Variants in DPP6 observed in about 807,000 individuals in gnomAD.
The protein encoded by DPP6 is dipeptidyl peptidase like 6, also known as A-type potassium channel modulatory protein DPP6.
A neutral mutation model predicts 122.6 loss-of-function variants in DPP6; 69 were observed. The observed-to-expected ratio is 0.56, with a 90% CI of 0.46 to 0.69. The LOEUF (loss-of-function observed/expected upper bound fraction) is 0.69. Among genes scored for constraint, DPP6 ranks in the 30% least tolerant of loss-of-function variants. DPP6 has a pLI of 0.00. For missense variants in DPP6, 928 were observed against 1,116.9 expected (o/e 0.83, Z 2.41); for synonymous variants, 418 against 433.1 (o/e 0.97, Z 0.43).
At chr7:153,977,066 G>A (rs1031066781) in intron 1 of DPP6, among the ~76,000 whole-genome samples, 11 of 152,152 alleles carry the variant, frequency 7.2e-5, no homozygotes, top group Admixed American at 5.2e-4. Context: ...TCTTTTTCAT[G>A]TCACCAAAGA....
chr7:154,544,501 C>A (rs146586470), intron 4 of DPP6, among the ~76,000 whole-genome samples: 1 of 152,142 alleles, frequency 6.6e-6, no homozygotes, highest in Non-Finnish European at 1.5e-5. Flanking sequence ...TGCTCCACTG[C>A]TATGTGTTTT....
chr7:154,451,609 A>G (rs768887147), intron 2 of DPP6, among the ~76,000 whole-genome samples: 1 of 152,068 alleles, frequency 6.6e-6, no homozygotes, highest in Non-Finnish European at 1.5e-5. Flanking sequence ...CAAGGCAACC[A>G]CAGCAGCCTC....
intron 1 of DPP6, among the ~76,000 whole-genome samples, chr7:154,347,250 A>G (rs1810478618): frequency 6.6e-6 from 1 of 152,354 alleles, no homozygotes; most frequent in Non-Finnish European, 1.5e-5. Flanking sequence ...CTCTCGATTC[A>G]GGGTTTGAAA....
chr7:154,386,595 A>T (rs925608436), intron 1 of DPP6, among the ~76,000 whole-genome samples: 9 of 152,134 alleles, frequency 5.9e-5, no homozygotes, highest in African/African-American at 1.9e-4. Context: ...CATGAATATC[A>T]TGAAGACCAG....
chr7:154,776,627 C>A (rs1796589697), intron 10 of DPP6, among the ~76,000 whole-genome samples: 2 of 152,106 alleles, frequency 1.3e-5, no homozygotes, highest in Admixed American at 1.3e-4. Context: ...GGCTCTGGAA[C>A]CTTGGCTGGA....
chr7:154,804,979 C>G lies in DPP6; in HGVS notation c.1547+15C>G. The G allele has an allele frequency of 6.3e-7, 1 of 1,591,224 alleles. No homozygotes were observed. The highest frequency in any genetic ancestry group is 8.6e-7 in the Non-Finnish European group (1 of 1,168,014). On this transcript the variant is annotated intron_variant, in intron 15 of 25. Transcript: ENST00000377770. ...CAACTCTACAGGTAACTCCTGCTCC[C>G]CCTGCACACAGGGCTCTCCCCCTTA...
At chr7:154,326,241 C>G (rs922688974) in intron 1 of DPP6, among the ~76,000 whole-genome samples, 1 of 152,120 alleles carries the variant, frequency 6.6e-6, no homozygotes, top group South Asian at 2.1e-4. Flanking sequence ...TGCCTAAGGT[C>G]TGTGGCATAC....
At chr7:154,005,861 C>T (rs1443721564) in intron 1 of DPP6, among the ~76,000 whole-genome samples, 22 of 152,180 alleles carry the variant, frequency 1.4e-4, no homozygotes, top group African/African-American at 3.9e-4. Flanking sequence ...AGAGTGTTGG[C>T]GGCTATGGAG....
chr7:154,650,844 A>C (rs1836833272), intron 6 of DPP6, among the ~76,000 whole-genome samples: 1 of 152,174 alleles, frequency 6.6e-6, no homozygotes, highest in Non-Finnish European at 1.5e-5. Context: ...GGATGGATGA[A>C]GGCCGTCCTA....
chr7:154,614,139 C>T (rs1834086031), intron 5 of DPP6, among the ~76,000 whole-genome samples: 1 of 152,210 alleles, frequency 6.6e-6, no homozygotes, highest in Non-Finnish European at 1.5e-5. Context: ...CTTCCCAATC[C>T]AGCACAGCAG....
At chr7:154,692,337 A>G (rs188207924) in intron 7 of DPP6, among the ~76,000 whole-genome samples, 1 of 152,336 alleles carries the variant, frequency 6.6e-6, no homozygotes, top group East Asian at 1.9e-4. Context: ...CTTATTTTGC[A>G]TAATTATTGG....
At chr7:154,661,941 C>T (rs185644915) in intron 6 of DPP6, among the ~76,000 whole-genome samples, 29 of 150,036 alleles carry the variant, frequency 1.9e-4, no homozygotes, top group Admixed American at 6.6e-4. Flanking sequence ...GGCGTATTGG[C>T]GGTAGTGTTC....
intron 1 of DPP6, among the ~76,000 whole-genome samples, chr7:153,969,216 T>C (rs537743700): frequency 4.6e-5 from 7 of 150,822 alleles, no homozygotes; most frequent in African/African-American, 1.5e-4. Context: ...CACAAATCTC[T>C]CCCAGGTGGT....
chr7:154,888,576 A>G (rs1393502005), intron 23 of DPP6, among the ~76,000 whole-genome samples: 2 of 152,224 alleles, frequency 1.3e-5, no homozygotes, highest in East Asian at 3.9e-4. Context: ...AACTGAGTCC[A>G]ACCAGGGAGT....
intron 15 of DPP6, among the ~76,000 whole-genome samples, chr7:154,806,595 C>T (rs759388401): frequency 1.3e-5 from 2 of 152,222 alleles, no homozygotes; most frequent in Non-Finnish European, 2.9e-5. Context: ...AGATATGTCA[C>T]TCTGTCTACT....
At chr7:154,192,678 A>G (rs1386385392) in intron 1 of DPP6, among the ~76,000 whole-genome samples, 1 of 152,276 alleles carries the variant, frequency 6.6e-6, no homozygotes, top group Non-Finnish European at 1.5e-5. Flanking sequence ...TTTATAAATG[A>G]ATTTTAAAAA....
intron 1 of DPP6, among the ~76,000 whole-genome samples, chr7:154,021,426 C>A (rs534212369): frequency 4.5e-4 from 69 of 152,238 alleles, no homozygotes; most frequent in African/African-American, 1.6e-3. Flanking sequence ...GTGCTGTAGC[C>A]CAGGAGAAGA....
intron 10 of DPP6, among the ~76,000 whole-genome samples, chr7:154,786,361 G>T (rs376216282): frequency 6.6e-6 from 1 of 152,116 alleles, no homozygotes; most frequent in Non-Finnish European, 1.5e-5. Context: ...ATATGGTTTG[G>T]CTATGTCCCC....
chr7:154,767,761 G>A (rs1795999076), intron 8 of DPP6, among the ~76,000 whole-genome samples: 1 of 152,056 alleles, frequency 6.6e-6, no homozygotes, highest in African/African-American at 2.4e-5. Context: ...TTTTCCCTGA[G>A]CACTGCTCTC....
Sources: gnomAD v4.1 joint callset for allele counts (sites outside exome capture counted in the v4.1 genomes callset) on GRCh38, gnomAD v4.1.1 for gene constraint, MANE v1.5 for transcripts, NCBI Gene and HGNC (gene_info 2026-07-23, HGNC 2026-07-21) for gene names.